Variants in C3orf49 observed in about 807,000 individuals in gnomAD.
C3orf49 encodes the protein chromosome 3 open reading frame 49, also known as putative uncharacterized protein C3orf49.
A neutral mutation model predicts 13.3 loss-of-function variants in C3orf49; 27 were observed. The ratio of observed to expected loss-of-function variants is 2.02; its 90% CI spans 1.49 to 2.79. The LOEUF is 2.79. Ranked by LOEUF, C3orf49 falls within the 30% of genes most tolerant of loss-of-function variation. The pLI, the probability that C3orf49 is intolerant of heterozygous loss-of-function variation, is 0.00. For synonymous variants in C3orf49, 87 were observed against 47.6 expected, an observed-to-expected ratio of 1.83 and a Z score of -3.40; for missense variants, 242 against 134.2, an observed-to-expected ratio of 1.80 and a Z score of -3.97.
chr3:63,848,263 A>G (rs1701944738), intron 6 of C3orf49, 101 bp from the exon 7 acceptor site: 2 of 152,076 alleles, frequency 1.3e-5, no homozygotes, highest in Admixed American at 1.3e-4. Flanking sequence ...TTTACCATCT[A>G]TTCTCTGTGA....
intron 5 of C3orf49, chr3:63,839,844 G>T: frequency 1.6e-6 from 2 of 1,243,862 alleles, no homozygotes; most frequent in Non-Finnish European, 2.3e-6. Flanking sequence ...CAGTATCACT[G>T]TTCATTTGTT....
intron 3 of C3orf49, among the ~76,000 whole-genome samples, chr3:63,828,067 C>A (rs1553675765): frequency 6.6e-6 from 1 of 152,218 alleles, no homozygotes; most frequent in Non-Finnish European, 1.5e-5. Flanking sequence ...TCCAGTGGAA[C>A]TTTCTGTGAA....
Position 63,831,158 on chromosome 3 carries a change from A to C in C3orf49, c.619A>C (p.Lys207Gln), listed in dbSNP as rs753779268. The change falls in exon 4 of 7, where the codon AAG becomes CAG. Residue 207 changes from lysine (K) to glutamine (Q), a missense_variant. Transcript: ENST00000295896. The stretch of plus-strand genomic sequence containing the variant: ...ACCACACTTTCCAGCACTTAAAAAA[A>C]AGAAGCGTGGCATGGAAAACATCCT... ...KRPHFPALKKKKRGMENILRK... is the reference protein window; with the variant it reads ...KRPHFPALKKQKRGMENILRK... The C allele has an allele frequency of 4.4e-5, 31 of 702,976 alleles. No homozygotes were observed. Among genetic ancestry groups the C allele is most frequent in the South Asian group, 3.6e-4 (24 of 67,592 alleles). 43.5% of individuals were successfully genotyped at this position (702,976 alleles called of 1,614,324 possible). A position where few individuals can be genotyped will look rare whatever the true frequency, so the allele number is the denominator to read the frequency against.
the C3orf49 span, among the ~76,000 whole-genome samples, chr3:63,806,572 G>T: frequency 6.6e-6 from 1 of 152,194 alleles, no homozygotes; most frequent in East Asian, 1.9e-4. Context: ...CTTCTGCCTT[G>T]CCATATCTGA....
At chr3:63,794,339 T>C in the C3orf49 span, among the ~76,000 whole-genome samples, 2 of 151,890 alleles carry the variant, frequency 1.3e-5, no homozygotes, top group African/African-American at 4.8e-5. Context: ...CTGGATGCCA[T>C]CACTTCAACA....
chr3:63,789,169 A>G, the C3orf49 span, among the ~76,000 whole-genome samples: 1 of 152,026 alleles, frequency 6.6e-6, no homozygotes, highest in African/African-American at 2.4e-5. Flanking sequence ...TTCTCATTGG[A>G]GTGTGAACCC....
chr3:63,826,823 C>G (rs1482924193), intron 2 of C3orf49: 2 of 152,134 alleles, frequency 1.3e-5, no homozygotes, highest in East Asian at 3.9e-4. Flanking sequence ...AAAGAGAGTA[C>G]CTGTAGTCCC....
In C3orf49 at chr3:63,827,606, A is replaced by G. The variant is rs1259600507; in HGVS notation, c.451A>G (p.Ile151Val). ...TTTTTCCCCCTTTCTTGAAGCGACT[A>G]TACAACTTGATGTTGTAGAGGCAGA... is the stretch of plus-strand genomic sequence containing the variant. Reference protein sequence around the residue: ...KMRKLSENATIQLDVVEAETE... With the variant: ...KMRKLSENATVQLDVVEAETE... Residue 151 changes from isoleucine to valine, a missense_variant, in exon 3 of 7, where the codon ATA (isoleucine) becomes GTA (valine). Transcript: ENST00000295896. 8.5e-6 allele frequency: 6 copies of G among 702,872 alleles called. No homozygotes were observed. Among genetic ancestry groups the G allele is most frequent in the South Asian group, 1.5e-5 (1 of 67,546 alleles). 43.5% of individuals were successfully genotyped at this position (702,872 alleles called of 1,614,324 possible). A position where few individuals can be genotyped will look rare whatever the true frequency, so the allele number is the denominator to read the frequency against.
At chr3:63,831,886 C>A in intron 5 of C3orf49, 42 bp downstream of exon 5, 1 of 684,774 alleles carries the variant, frequency 1.5e-6, no homozygotes, top group Admixed American at 2.2e-5. Flanking sequence ...GACTTTGTTC[C>A]TGATTCTTTA....
chr3:63,803,568 C>T, the C3orf49 span, among the ~76,000 whole-genome samples: 1 of 152,194 alleles, frequency 6.6e-6, no homozygotes, highest in East Asian at 1.9e-4. Context: ...GCACAGCAAG[C>T]AGCATAAGCT....
chr3:63,832,809 A>G (rs905688958), intron 5 of C3orf49: 2 of 152,244 alleles, frequency 1.3e-5, no homozygotes, highest in African/African-American at 4.8e-5. Context: ...GACTTGCCAG[A>G]TGAAATTAGA....
chr3:63,794,560 A>C, the C3orf49 span, among the ~76,000 whole-genome samples: 1 of 151,874 alleles, frequency 6.6e-6, no homozygotes, highest in Non-Finnish European at 1.5e-5. Flanking sequence ...TACTTTCCTC[A>C]CCTATCATTC....
chr3:63,823,610 G>A, intron 2 of C3orf49, 41 bp downstream of exon 2: 2 of 665,770 alleles, frequency 3.0e-6, no homozygotes, highest in Non-Finnish European at 2.7e-6. Flanking sequence ...TTGAGGCCAA[G>A]AGGAAGAGTG....
chr3:63,802,928 C>A, the C3orf49 span, among the ~76,000 whole-genome samples: 12 of 151,998 alleles, frequency 7.9e-5, no homozygotes, highest in East Asian at 1.9e-3. Context: ...ACACACTAAG[C>A]AAAACTACTG....
rs764689494 is a variant in C3orf49, at chr3:63,835,436, G to A, written c.849+3592G>A. Reference sequence around the variant, plus strand: ...TTACATTTTGCTGAATGGGGGAGAAGAGTTTACAATTAATGCCTAACTTTT... The same window carrying A: ...TTACATTTTGCTGAATGGGGGAGAAAAGTTTACAATTAATGCCTAACTTTT... On this transcript the variant is annotated intron_variant, in intron 5 of 6. Transcript: ENST00000295896. 2.6e-6 allele frequency: 4 copies of A among 1,568,194 alleles called. No individual in the cohort carries two copies. In the Admixed American group the frequency reaches 6.8e-5, roughly 27 times the overall value.
the C3orf49 span, among the ~76,000 whole-genome samples, chr3:63,807,991 C>T: frequency 6.6e-6 from 1 of 151,508 alleles, no homozygotes; most frequent in Non-Finnish European, 1.5e-5. Context: ...AAAGTTCTCA[C>T]GCAACTGAAC....
At chr3:63,782,989 T>C in the C3orf49 span, 1 of 152,180 alleles carries the variant, frequency 6.6e-6, no homozygotes, top group Non-Finnish European at 1.5e-5. Context: ...CAGAGATGTG[T>C]AGGGGTTTGA....
At chr3:63,844,738 T>G (rs1238102786) in intron 5 of C3orf49, among the ~76,000 whole-genome samples, 1 of 152,242 alleles carries the variant, frequency 6.6e-6, no homozygotes, top group Non-Finnish European at 1.5e-5. Flanking sequence ...CCTTTTGCCA[T>G]GTTATGACAC....
chr3:63,807,897 G>GAAAT, the C3orf49 span, among the ~76,000 whole-genome samples: 66 of 131,532 alleles, frequency 5.0e-4, no homozygotes, highest in East Asian at 2.4e-3. Context: ...GAAAGAAAGA[G>GAAAT]AAATAAATAA....
Sources: gnomAD v4.1 joint callset for allele counts (sites outside exome capture counted in the v4.1 genomes callset) on GRCh38, gnomAD v4.1.1 for gene constraint, MANE v1.5 for transcripts, NCBI Gene and HGNC (gene_info 2026-07-23, HGNC 2026-07-21) for gene names.